FARS2: variants seen among roughly 807,000 people sequenced by gnomAD.
FARS2 encodes phenylalanyl-tRNA synthetase 2, mitochondrial, also known as phenylalanine--tRNA ligase, mitochondrial.
Under a neutral mutation model 46.4 loss-of-function variants are expected in FARS2, and 40 were observed. The observed-to-expected ratio is 0.86, with a 90% CI of 0.67 to 1.12. The LOEUF (loss-of-function observed/expected upper bound fraction) is 1.12. Among genes scored for constraint, FARS2 ranks in the 50% most tolerant of loss-of-function variants. The pLI, the probability that FARS2 is intolerant of heterozygous loss-of-function variation, is 0.00. For missense variants in FARS2, 513 were observed against 567.9 expected (o/e 0.90, Z 0.98); for synonymous variants, 234 against 214.9 (o/e 1.09, Z -0.78).
chr6:5,432,328 ATAT>A (rs1422311615), intron 4 of FARS2, among the ~76,000 whole-genome samples: 30 of 32,704 alleles, frequency 9.2e-4, no homozygotes, highest in African/African-American at 2.0e-3. Flanking sequence ...AAAAAAAAAA[ATAT>A]ATATATATAT....
intron 2 of FARS2, among the ~76,000 whole-genome samples, chr6:5,369,987 T>G (rs1368647114): frequency 2.6e-5 from 4 of 152,180 alleles, no homozygotes. Flanking sequence ...ATCTCTGTTT[T>G]TATATAAGAA....
chr6:5,481,731 T>C (rs111581840), intron 4 of FARS2, among the ~76,000 whole-genome samples: 4 of 40,396 alleles, frequency 9.9e-5, no homozygotes, highest in African/African-American at 2.2e-4. Flanking sequence ...TTATCCAGCC[T>C]TTCCCTGGGA....
the FARS2 span, among the ~76,000 whole-genome samples, chr6:5,254,293 A>G: frequency 6.6e-6 from 1 of 152,194 alleles, no homozygotes; most frequent in Non-Finnish European, 1.5e-5. Flanking sequence ...TTCTTGAAGC[A>G]TCTCGACAAC....
intron 6 of FARS2, among the ~76,000 whole-genome samples, chr6:5,659,412 A>G (rs1172676484): frequency 6.6e-6 from 1 of 152,234 alleles, no homozygotes; most frequent in Non-Finnish European, 1.5e-5. Flanking sequence ...AGGCCCTGCC[A>G]TCCCTTGAGG....
At chr6:5,612,060 G>C (rs961740237) in intron 5 of FARS2, among the ~76,000 whole-genome samples, 1 of 152,128 alleles carries the variant, frequency 6.6e-6, no homozygotes, top group African/African-American at 2.4e-5. Context: ...AAAACAAAAC[G>C]CTTCTCAGGA....
At chr6:5,571,507 T>C (rs1772645615) in intron 5 of FARS2, among the ~76,000 whole-genome samples, 2 of 152,168 alleles carry the variant, frequency 1.3e-5, no homozygotes, top group African/African-American at 4.8e-5. Flanking sequence ...TCATTAGGAT[T>C]CTTCAAGTTG....
At chr6:5,670,959 C>T (rs149590744) in intron 6 of FARS2, among the ~76,000 whole-genome samples, 2 of 152,128 alleles carry the variant, frequency 1.3e-5, no homozygotes, top group African/African-American at 4.8e-5. Context: ...CAGCAGTGTG[C>T]AGTCTATGCC....
At chr6:5,507,943 C>T (rs995205396) in intron 4 of FARS2, among the ~76,000 whole-genome samples, 1 of 152,218 alleles carries the variant, frequency 6.6e-6, no homozygotes, top group African/African-American at 2.4e-5. Context: ...TCTTTTGCTT[C>T]TCAATTTCAG....
intron 5 of FARS2, among the ~76,000 whole-genome samples, chr6:5,555,784 G>A (rs1445211811): frequency 6.6e-6 from 1 of 151,906 alleles, no homozygotes; most frequent in East Asian, 1.9e-4. Flanking sequence ...GTTTATCTCA[G>A]AAAAAAACTA....
At chr6:5,524,821 A>G (rs988823067) in intron 4 of FARS2, among the ~76,000 whole-genome samples, 4 of 152,124 alleles carry the variant, frequency 2.6e-5, no homozygotes, top group Non-Finnish European at 4.4e-5. Flanking sequence ...TACTCTTTCG[A>G]TAGGTGAATA....
At chr6:5,254,014 T>C in the FARS2 span, among the ~76,000 whole-genome samples, 124,655 of 152,092 alleles carry the variant, frequency 0.82, 51,692 homozygotes, top group African/African-American at 0.95. Flanking sequence ...CAAACTTGCA[T>C]CAAAAAAAGG....
chr6:5,618,642 C>T (rs924863484), intron 6 of FARS2, among the ~76,000 whole-genome samples: 2 of 152,142 alleles, frequency 1.3e-5, no homozygotes, highest in African/African-American at 2.4e-5. Flanking sequence ...ACAGCTTGTG[C>T]CCTGAAGGAG....
chr6:5,390,898 G>A (rs910413458), intron 2 of FARS2, among the ~76,000 whole-genome samples: 7 of 152,034 alleles, frequency 4.6e-5, no homozygotes, highest in Non-Finnish European at 1.0e-4. Flanking sequence ...CAGTCCTCCT[G>A]GAATAACCCA....
chr6:5,361,532 A>G (rs1238288445), intron 1 of FARS2, among the ~76,000 whole-genome samples: 4 of 152,246 alleles, frequency 2.6e-5, no homozygotes, highest in Non-Finnish European at 5.9e-5. Context: ...CGAGTAATGC[A>G]GGAAACTGCC....
intron 6 of FARS2, among the ~76,000 whole-genome samples, chr6:5,691,164 C>G (rs751125598): frequency 6.6e-6 from 1 of 152,248 alleles, no homozygotes; most frequent in African/African-American, 2.4e-5. Context: ...GTAGTTTGAT[C>G]GTCTGAAGCC....
chr6:5,505,509 A>G (rs988382742), intron 4 of FARS2, among the ~76,000 whole-genome samples: 1 of 152,336 alleles, frequency 6.6e-6, no homozygotes. Flanking sequence ...AGCTGACAGG[A>G]TTAAGAGATT....
chr6:5,709,740 G>A lies in FARS2; in HGVS notation c.1218-61551G>A, dbSNP rs569540912. ...TTGGGGGGGGTGGGGTTGTGTGTGTGTGTGTGCGCGCGCGCGTGTGTGTGT... is the reference window on the plus strand; with the variant it reads ...TTGGGGGGGGTGGGGTTGTGTGTGTATGTGTGCGCGCGCGCGTGTGTGTGT... On this transcript the variant is annotated intron_variant, in intron 6 of 6. Coordinates refer to ENST00000274680, the MANE Select transcript of FARS2 (RefSeq NM_006567.5). Among the ~76,000 whole-genome samples the A allele has an allele frequency of 1.0e-3, 157 of 150,896 alleles. 2 individuals are homozygous for A. Among genetic ancestry groups the A allele is most frequent in the South Asian group, 8.2e-3 (39 of 4,746 alleles).
chr6:5,572,336 A>G (rs944124263), intron 5 of FARS2, among the ~76,000 whole-genome samples: 2 of 151,888 alleles, frequency 1.3e-5, no homozygotes, highest in African/African-American at 4.8e-5. Context: ...CACACTTTTA[A>G]ATGACCAGAT....
chr6:5,441,142 G>A (rs141992665), intron 4 of FARS2, among the ~76,000 whole-genome samples: 18,812 of 152,086 alleles, frequency 0.12, 1,347 homozygotes, highest in Middle Eastern at 0.17. Flanking sequence ...GGCTGGTCTC[G>A]AACTCCTGAC....
Sources: allele counts gnomAD v4.1 joint callset (sites outside exome capture counted in the v4.1 genomes callset), GRCh38; gene constraint gnomAD v4.1.1; transcripts MANE v1.5; gene names NCBI Gene and HGNC (gene_info 2026-07-23, HGNC 2026-07-21).